The following GPX6 variants were observed in gnomAD, a reference collection of about 807,000 sequenced individuals.
GPX6 encodes glutathione peroxidase 6 (olfactory).
Under a neutral mutation model 20.0 loss-of-function variants are expected in GPX6, and 21 were observed. The observed-to-expected ratio is 1.05, with a 90% CI of 0.74 to 1.51. The LOEUF is 1.51. Among genes scored for constraint, GPX6 ranks in the 40% most tolerant of loss-of-function variants. The probability of loss-of-function intolerance (pLI) is 0.00; values close to 1 mark genes in which losing one functional copy is unlikely to be tolerated. For missense variants in GPX6, 233 were observed against 254.7 expected (o/e 0.91, Z 0.58); for synonymous variants, 75 against 98.0 (o/e 0.77, Z 1.38).
At chr6:28,512,606 G>A (rs1041222178) in intron 1 of GPX6, among the ~76,000 whole-genome samples, 5 of 152,170 alleles carry the variant, frequency 3.3e-5, no homozygotes, top group African/African-American at 1.2e-4. Flanking sequence ...AAGAATAAAA[G>A]GCGGCTGCCG....
rs1240563398 is a variant in GPX6, at chr6:28,503,540, C to T, written c.*752G>A. The stretch of plus-strand genomic sequence containing the variant: ...AGGAGGCTCAGGGTGAGGAGAAAGC[C>T]CATCATTCAGAATACAGGGACACCC... On this transcript the variant is annotated 3_prime_UTR_variant, in exon 5 of 5. Transcript: ENST00000361902. 6.6e-6 allele frequency: 1 copy of T among 152,192 alleles called. No individual in the cohort carries two copies. Among genetic ancestry groups the T allele is most frequent in the African/African-American group, 2.4e-5 (1 of 41,380 alleles). 9.4% of individuals were successfully genotyped at this position (152,192 alleles called of 1,614,324 possible). A position where few individuals can be genotyped will look rare whatever the true frequency, so the allele number is the denominator to read the frequency against.
intron 2 of GPX6, 99 bp from the exon 3 acceptor site, chr6:28,506,528 C>T (rs1050340027): frequency 1.1e-4 from 82 of 724,962 alleles, no homozygotes; most frequent in Middle Eastern, 2.4e-4. Flanking sequence ...ATGAATAAAC[C>T]GAGGACTAAG....
intron 2 of GPX6, 55 bp downstream of exon 2, chr6:28,510,696 G>A: frequency 6.4e-7 from 1 of 1,568,322 alleles, no homozygotes; most frequent in Non-Finnish European, 8.7e-7. Flanking sequence ...TCTGGAATTA[G>A]AATATGGCTA....
intron 2 of GPX6, among the ~76,000 whole-genome samples, chr6:28,509,798 G>A (rs1410343824): frequency 6.6e-6 from 1 of 152,208 alleles, no homozygotes; most frequent in East Asian, 1.9e-4. Context: ...GTTAGGCCAA[G>A]GTTGGCGAGA....
chr6:28,515,750 G>C lies in GPX6; in HGVS notation c.-7C>G, dbSNP rs776240106. On this transcript the variant is annotated 5_prime_UTR_variant, in exon 1 of 5. Coordinates refer to ENST00000361902, the MANE Select transcript of GPX6 (RefSeq NM_182701.1). ...CCTGGAACTGCTGGAACATGGCTAG[G>C]AGTTTTAGACGACTCTGAGGTCCCC... 3.1e-6 allele frequency: 5 copies of C among 1,612,390 alleles called. No individual in the cohort carries two copies. In the South Asian group the frequency reaches 5.5e-5, roughly 18 times the overall value.
At chr6:28,511,204 A>AT (rs1429955084) in intron 1 of GPX6, among the ~76,000 whole-genome samples, 2 of 152,172 alleles carry the variant, frequency 1.3e-5, no homozygotes, top group African/African-American at 4.8e-5. Flanking sequence ...CTCCCCCGAC[A>AT]TCCTAACACT....
In GPX6 at chr6:28,504,207, C is replaced by G. The variant is rs1762784121; in HGVS notation, c.*85G>C. On this transcript the variant is annotated 3_prime_UTR_variant, in exon 5 of 5. Transcript: ENST00000361902. ...AGGCTGGGTAGGCACGAGTGTGGAG[C>G]AAAGAAGGAGGAAGATGGATGCTTT... is the stretch of plus-strand genomic sequence containing the variant. 1 of 1,378,324 alleles carries G rather than the reference C, an allele frequency of 7.3e-7. No individual in the cohort carries two copies. Among genetic ancestry groups the G allele is most frequent in the Non-Finnish European group, 1.0e-6 (1 of 979,936 alleles). The allele number at this position is 1,378,324 out of a possible 1,614,324, so 85.4% of individuals were successfully genotyped here.
chr6:28,505,911 G>A (rs1762802133), intron 3 of GPX6, 109 bp from the exon 4 acceptor site: 1 of 811,144 alleles, frequency 1.2e-6, no homozygotes, highest in Admixed American at 1.9e-5. Context: ...AAGGGAAGAG[G>A]CTGTGCACAG....
chr6:28,514,405 A>T (rs369539454), intron 1 of GPX6, among the ~76,000 whole-genome samples: 1 of 152,202 alleles, frequency 6.6e-6, no homozygotes, highest in East Asian at 1.9e-4. Flanking sequence ...ACAAGATGCT[A>T]TTTTACATCG....
chr6:28,505,805 G>A lies in GPX6; in HGVS notation c.360-3C>T, dbSNP rs775964652. 3.7e-6 allele frequency: 6 copies of A among 1,611,382 alleles called. No homozygotes were observed. The highest frequency in any genetic ancestry group is 1.7e-4 in the Middle Eastern group (1 of 6,056). On this transcript the variant is annotated splice_region_variant and splice_polypyrimidine_tract_variant and intron_variant, in intron 3 of 4. Transcript: ENST00000361902. ...AGCCACTACCTGGACACACATACCT[G>A]CAGTGAACCAAAGTTGTTCCCAGCA...
chr6:28,506,530 AG>A, intron 2 of GPX6, 101 bp from the exon 3 acceptor site: 1 of 721,316 alleles, frequency 1.4e-6, no homozygotes, highest in East Asian at 2.5e-5. Context: ...GAATAAACCG[AG>A]GACTAAGAAG....
At chr6:28,512,668 G>T (rs1219269371) in intron 1 of GPX6, among the ~76,000 whole-genome samples, 3 of 152,176 alleles carry the variant, frequency 2.0e-5, no homozygotes, top group Non-Finnish European at 4.4e-5. Context: ...TGGGAGCTTT[G>T]TTCTTTCGCT....
intron 1 of GPX6, among the ~76,000 whole-genome samples, chr6:28,513,267 G>T (rs1762944286): frequency 8.1e-6 from 1 of 123,024 alleles, no homozygotes; most frequent in Non-Finnish European, 1.8e-5. Context: ...ATAAGGCAGG[G>T]GTCTAATGGA....
chr6:28,504,964 C>T (rs1002569173), intron 4 of GPX6, among the ~76,000 whole-genome samples: 5 of 152,080 alleles, frequency 3.3e-5, no homozygotes, highest in Non-Finnish European at 5.9e-5. Context: ...ATCACTAATA[C>T]TCATTTTGCC....
intron 1 of GPX6, among the ~76,000 whole-genome samples, chr6:28,513,177 C>T (rs188852903): frequency 3.9e-5 from 6 of 152,194 alleles, no homozygotes; most frequent in Non-Finnish European, 5.9e-5. Flanking sequence ...TGCACTTATT[C>T]TCCATGCCCA....
At chr6:28,513,472 C>A (rs1762957311) in intron 1 of GPX6, among the ~76,000 whole-genome samples, 1 of 152,180 alleles carries the variant, frequency 6.6e-6, no homozygotes, top group Admixed American at 6.5e-5. Context: ...GCCACACGCC[C>A]CGTCGCATGC....
At chr6:28,513,137 G>T (rs550567030) in intron 1 of GPX6, among the ~76,000 whole-genome samples, 1 of 152,316 alleles carries the variant, frequency 6.6e-6, no homozygotes, top group African/African-American at 2.4e-5. Context: ...TCCCCCATCT[G>T]ATGAGAGCTA....
intron 1 of GPX6, 103 bp from the exon 2 acceptor site, chr6:28,511,007 G>T: frequency 1.0e-6 from 1 of 980,786 alleles, no homozygotes; most frequent in Non-Finnish European, 1.4e-6. Context: ...GTAATATCTT[G>T]AAATTCTAAG....
intron 2 of GPX6, among the ~76,000 whole-genome samples, chr6:28,508,415 A>C (rs925502803): frequency 1.3e-5 from 2 of 152,182 alleles, no homozygotes; most frequent in African/African-American, 4.8e-5. Context: ...TAACTTTCTC[A>C]CTTACTAAAT....
Sources: allele counts gnomAD v4.1 joint callset (sites outside exome capture counted in the v4.1 genomes callset), GRCh38; gene constraint gnomAD v4.1.1; transcripts MANE v1.5; gene names NCBI Gene and HGNC (gene_info 2026-07-23, HGNC 2026-07-21).